The following R3HDM2 variants were observed in gnomAD, a reference collection of about 807,000 sequenced individuals.
The protein encoded by R3HDM2 is R3H domain-containing protein 2.
In R3HDM2, 38 loss-of-function variants were observed where a neutral mutation model predicts 124.5. The ratio of observed to expected loss-of-function variants is 0.31; its 90% CI spans 0.24 to 0.40. The LOEUF (loss-of-function observed/expected upper bound fraction) is 0.40, where lower values mean the gene tolerates loss of function less well. Ranked by LOEUF, R3HDM2 falls within the 10% of genes least tolerant of loss-of-function variation. The pLI, the probability that R3HDM2 is intolerant of heterozygous loss-of-function variation, is 1.00. For synonymous variants in R3HDM2, 391 were observed against 448.0 expected (o/e 0.87, Z 1.61); for missense variants, 869 against 1,236.9 (o/e 0.70, Z 4.46).
chr12:57,275,501 G>GA (rs56371479), intron 14 of R3HDM2, among the ~76,000 whole-genome samples: 7,527 of 127,446 alleles, frequency 0.059, 279 homozygotes, highest in East Asian at 0.19. Context: ...CGTTTGCATG[G>GA]AAAAAAAAAA....
chr12:57,379,957 T>C (rs763722036), intron 2 of R3HDM2, among the ~76,000 whole-genome samples: 1 of 152,112 alleles, frequency 6.6e-6, no homozygotes, highest in African/African-American at 2.4e-5. Flanking sequence ...TCAACTTATC[T>C]TCCTTACCTG....
Position 57,296,401 on chromosome 12 carries a change from C to T in R3HDM2, c.701+10G>A. The T allele has an allele frequency of 6.4e-7, 1 of 1,552,128 alleles. No individual in the cohort carries two copies. The highest frequency in any genetic ancestry group is 1.2e-5 in the South Asian group (1 of 84,054). Reference sequence around the variant, plus strand: ...GGGAAGTCTTCCCAAACCATGGTTTCCTCCCTTACATTCTTGTGTTACTAG... The same window carrying T: ...GGGAAGTCTTCCCAAACCATGGTTTTCTCCCTTACATTCTTGTGTTACTAG... On this transcript the variant is annotated intron_variant, in intron 9 of 23. Transcript: ENST00000402412. This position sits in a 1 kb window ranked among gnomAD's most constrained non-coding sequence, Gnocchi z 4.5.
chr12:57,406,465 A>G (rs1007903343), intron 1 of R3HDM2, among the ~76,000 whole-genome samples: 1 of 152,208 alleles, frequency 6.6e-6, no homozygotes, highest in African/African-American at 2.4e-5. Flanking sequence ...GAAAATGGTC[A>G]TAACTGTTAA....
chr12:57,391,746 T>A (rs2066713896), intron 2 of R3HDM2, among the ~76,000 whole-genome samples: 1 of 152,254 alleles, frequency 6.6e-6, no homozygotes, highest in African/African-American at 2.4e-5. Context: ...TTCCTATAAA[T>A]CTATACTTGT....
At chr12:57,413,060 G>A (rs868237180) in intron 1 of R3HDM2, among the ~76,000 whole-genome samples, 1 of 152,030 alleles carries the variant, frequency 6.6e-6, no homozygotes, top group Non-Finnish European at 1.5e-5. Context: ...GGCTGAGGCA[G>A]GAGAATTGCC....
At chr12:57,282,191 A>T (rs1158286625) in intron 13 of R3HDM2, among the ~76,000 whole-genome samples, 2 of 151,914 alleles carry the variant, frequency 1.3e-5, no homozygotes, top group South Asian at 2.1e-4. Context: ...GGTGCCTGTG[A>T]TCACAGCTAC....
At chr12:57,335,533 T>C (rs997349236) in intron 2 of R3HDM2, among the ~76,000 whole-genome samples, 1 of 148,786 alleles carries the variant, frequency 6.7e-6, no homozygotes, top group African/African-American at 2.5e-5. Context: ...CATCTTGCTA[T>C]GTTGCCCATG....
intron 2 of R3HDM2, among the ~76,000 whole-genome samples, chr12:57,334,974 C>T (rs2058669288): frequency 6.9e-6 from 1 of 145,494 alleles, no homozygotes; most frequent in South Asian, 2.2e-4. Context: ...CCCACCTCTA[C>T]CAAAAAAAAA....
chr12:57,382,542 A>C (rs953351278), intron 2 of R3HDM2, among the ~76,000 whole-genome samples: 39 of 124,874 alleles, frequency 3.1e-4, no homozygotes, highest in African/African-American at 1.1e-3. Context: ...CCCAGCCTAC[A>C]AAAAAAAAAA....
At chr12:57,344,186 A>G (rs955848747) in intron 2 of R3HDM2, among the ~76,000 whole-genome samples, 8 of 152,212 alleles carry the variant, frequency 5.3e-5, no homozygotes, top group African/African-American at 1.7e-4. Flanking sequence ...ATTCTGAACT[A>G]TAAGAATAGC....
chr12:57,415,544 A>G (rs891344810), intron 1 of R3HDM2: 4 of 150,452 alleles, frequency 2.7e-5, no homozygotes, highest in African/African-American at 4.9e-5. Context: ...AATTTTTACC[A>G]AAGGAAAAGG....
intron 1 of R3HDM2, among the ~76,000 whole-genome samples, chr12:57,402,294 CAAA>C (rs535082591): frequency 7.6e-6 from 1 of 130,798 alleles, no homozygotes; most frequent in African/African-American, 2.8e-5. Flanking sequence ...GACTCCATCT[CAAA>C]AAAAAAAAAA....
intron 1 of R3HDM2, among the ~76,000 whole-genome samples, chr12:57,419,159 T>C (rs79736107): frequency 1.3e-5 from 2 of 151,386 alleles, no homozygotes; most frequent in African/African-American, 4.9e-5. Flanking sequence ...TTTTTTTTTT[T>C]TTGATACGGA....
chr12:57,348,570 T>C (rs911007932), intron 2 of R3HDM2, among the ~76,000 whole-genome samples: 1 of 152,032 alleles, frequency 6.6e-6, no homozygotes, highest in Admixed American at 6.6e-5. Flanking sequence ...GGCACACGCC[T>C]GTAATCCCAG....
At chr12:57,256,117 T>C (rs771470353) in intron 22 of R3HDM2, 43 bp from the exon 23 acceptor site, 97 of 1,553,832 alleles carry the variant, frequency 6.2e-5, no homozygotes, top group South Asian at 1.1e-5. Flanking sequence ...GTAAACAACA[T>C]TGACTGCCTT....
At chr12:57,257,236 C>T (rs1352055751) in intron 21 of R3HDM2, among the ~76,000 whole-genome samples, 1 of 152,124 alleles carries the variant, frequency 6.6e-6, no homozygotes, top group African/African-American at 2.4e-5. Flanking sequence ...GCCAGACTGC[C>T]TGGGTTAAAA....
intron 4 of R3HDM2, among the ~76,000 whole-genome samples, chr12:57,300,423 G>A (rs968420655): frequency 4.7e-4 from 71 of 152,242 alleles, no homozygotes; most frequent in African/African-American, 1.6e-3. Flanking sequence ...ATGGACAGAT[G>A]ATAGGAAACC....
chr12:57,351,787 T>C (rs942202038), intron 2 of R3HDM2, among the ~76,000 whole-genome samples: 1 of 152,104 alleles, frequency 6.6e-6, no homozygotes, highest in Admixed American at 6.6e-5. Flanking sequence ...ACTTAATAAA[T>C]TGGAGTCAAT....
chr12:57,399,893 G>A (rs934926738), intron 1 of R3HDM2, among the ~76,000 whole-genome samples: 12 of 152,130 alleles, frequency 7.9e-5, no homozygotes, highest in Non-Finnish European at 1.2e-4. Flanking sequence ...TCAGGGCAAG[G>A]GGCTCACTGT....
Sources: gnomAD v4.1 joint callset for allele counts (sites outside exome capture counted in the v4.1 genomes callset) on GRCh38, gnomAD v4.1.1 for gene constraint, Gnocchi (gnomAD v3.1) non-coding constraint, MANE v1.5 for transcripts, NCBI Gene and HGNC (gene_info 2026-07-23, HGNC 2026-07-21) for gene names.